Variants in TINAG observed in about 807,000 individuals in gnomAD.
The protein encoded by TINAG is tubulointerstitial nephritis antigen.
In TINAG, 83 loss-of-function variants were observed where a neutral mutation model predicts 72.7. That is an observed-to-expected ratio of 1.14 (90% CI 0.96 to 1.37). TINAG has a LOEUF of 1.37. Among genes scored for constraint, TINAG ranks in the 40% most tolerant of loss-of-function variants. The pLI is 0.00. For missense variants in TINAG, 685 were observed against 576.6 expected (o/e 1.19, Z -1.93); for synonymous variants, 234 against 189.9 (o/e 1.23, Z -1.91).
chr6:54,335,136 T>C (rs1465391271), intron 4 of TINAG, among the ~76,000 whole-genome samples: 1 of 152,206 alleles, frequency 6.6e-6, no homozygotes, highest in Non-Finnish European at 1.5e-5. Flanking sequence ...ATTTCTAACA[T>C]ATCCTTTATA....
At chr6:54,367,180 T>C (rs1158595729) in intron 9 of TINAG, 1 of 151,776 alleles carries the variant, frequency 6.6e-6, no homozygotes, top group African/African-American at 2.4e-5. Flanking sequence ...ATGATGTTCC[T>C]GATAAAGAGA....
rs773367907 is a variant in TINAG, at chr6:54,308,658, T to G, written c.108T>G (p.Thr36=). The change falls in exon 1 of 11, where the codon ACT becomes ACG. Residue 36 remains threonine, a synonymous_variant. Coordinates refer to ENST00000259782, the MANE Select transcript of TINAG (RefSeq NM_014464.4). ...AAGTGGACCTAGAGGCTTATTTCAC[T>G]AGGAATCACACCGTTTTGCAAGGTA... ...QREVDLEAYF[T]RNHTVLQGTR... is the part of the protein sequence containing the mutation. 6 of 1,613,730 alleles carry G rather than the reference T, an allele frequency of 3.7e-6. No individual in the cohort carries two copies. The highest frequency in any genetic ancestry group is 5.1e-6 in the Non-Finnish European group (6 of 1,179,868).
chr6:54,308,329 G>A, upstream of TINAG: 1 of 634,210 alleles, frequency 1.6e-6, no homozygotes, highest in Non-Finnish European at 2.7e-6. Context: ...TAACTTTGGG[G>A]GAATAACAAT....
intron 1 of TINAG, among the ~76,000 whole-genome samples, chr6:54,313,273 G>A (rs1784299477): frequency 6.6e-6 from 1 of 152,104 alleles, no homozygotes; most frequent in Non-Finnish European, 1.5e-5. Flanking sequence ...GGCATCATAA[G>A]GAGCCCTGTG....
intron 4 of TINAG, among the ~76,000 whole-genome samples, chr6:54,328,633 T>C (rs995705259): frequency 4.0e-5 from 6 of 151,886 alleles, no homozygotes; most frequent in African/African-American, 1.2e-4. Context: ...TGATGAATTG[T>C]CAGAAGTAGG....
At chr6:54,328,614 G>T (rs1339048091) in intron 4 of TINAG, among the ~76,000 whole-genome samples, 1 of 152,034 alleles carries the variant, frequency 6.6e-6, no homozygotes, top group Non-Finnish European at 1.5e-5. Context: ...ATTGGACAGA[G>T]AATGAGTTTG....
chr6:54,308,035 A>G (rs769811067), upstream of TINAG: 8 of 1,549,494 alleles, frequency 5.2e-6, no homozygotes, highest in Non-Finnish European at 7.0e-6. Flanking sequence ...AGCAACTGTT[A>G]TTGATATGAC....
rs60701944 is a variant in TINAG, at chr6:54,317,568, G to A, written c.356-3011G>A. Among the ~76,000 whole-genome samples, 1,502 of 152,240 alleles carry A rather than the reference G, an allele frequency of 9.9e-3. 41 individuals are homozygous for A. The highest frequency in any genetic ancestry group is 0.063 in the East Asian group (325 of 5,180). On this transcript the variant is annotated intron_variant, in intron 1 of 10. Coordinates refer to ENST00000259782, the MANE Select transcript of TINAG (RefSeq NM_014464.4). ...ATTGTGAGGCCTCCTCAGCCATGTG[G>A]AACTGTGAGTCTATTAAACCTCTTT...
chr6:54,309,404 A>G (rs1284929557), intron 1 of TINAG, among the ~76,000 whole-genome samples: 7 of 152,180 alleles, frequency 4.6e-5, no homozygotes, highest in Admixed American at 3.3e-4. Context: ...AAAATAAGAT[A>G]AAGTCAGTCA....
chr6:54,314,063 C>G (rs891575719), intron 1 of TINAG, among the ~76,000 whole-genome samples: 1 of 152,122 alleles, frequency 6.6e-6, no homozygotes, highest in African/African-American at 2.4e-5. Flanking sequence ...AATTAAGAAG[C>G]ATCGTGTGAC....
In TINAG at chr6:54,390,008, TG is replaced by T; in HGVS notation, c.*85del. 1 of 1,532,740 alleles carries T rather than the reference TG, an allele frequency of 6.5e-7. No homozygotes were observed. The highest frequency in any genetic ancestry group is 2.3e-5 in the East Asian group (1 of 43,806). The allele number at this position is 1,532,740 out of a possible 1,614,324, so 94.9% of individuals were successfully genotyped here. A position where few individuals can be genotyped will look rare whatever the true frequency, so the allele number is the denominator to read the frequency against. Reference sequence around the variant, plus strand: ...AGCAATATGACATTCTTGGTGACAGTGGAATCTTTGTCTCTTCACCGTGTTA... The same window carrying T: ...AGCAATATGACATTCTTGGTGACAGTGAATCTTTGTCTCTTCACCGTGTTA... On this transcript the variant is annotated 3_prime_UTR_variant, in exon 11 of 11. Coordinates refer to ENST00000259782, the MANE Select transcript of TINAG (RefSeq NM_014464.4).
intron 9 of TINAG, among the ~76,000 whole-genome samples, chr6:54,373,176 C>T (rs552033226): frequency 3.2e-4 from 48 of 151,068 alleles, no homozygotes; most frequent in Middle Eastern, 6.8e-3. Context: ...AATGACCCAA[C>T]TGTTTCCCCT....
At chr6:54,312,643 A>G (rs1450039195) in intron 1 of TINAG, among the ~76,000 whole-genome samples, 6 of 152,234 alleles carry the variant, frequency 3.9e-5, no homozygotes, top group African/African-American at 1.4e-4. Flanking sequence ...TTATTTGTAG[A>G]TAATGTGGCA....
At chr6:54,389,643 A>G (rs1454888234) in intron 10 of TINAG, 148 bp from the exon 11 acceptor site, 9 of 962,246 alleles carry the variant, frequency 9.4e-6, no homozygotes, top group Non-Finnish European at 1.3e-5. Flanking sequence ...ACATAATACA[A>G]CCATTATTTA....
intron 6 of TINAG, 48 bp downstream of exon 6, chr6:54,347,565 A>T (rs1785156258): frequency 6.3e-7 from 1 of 1,599,054 alleles, no homozygotes; most frequent in East Asian, 2.2e-5. Flanking sequence ...TGAATGATGC[A>T]TTGTGTTAGA....
At chr6:54,378,971 G>A (rs1763865570) in intron 9 of TINAG, among the ~76,000 whole-genome samples, 1 of 151,994 alleles carries the variant, frequency 6.6e-6, no homozygotes, top group Admixed American at 6.6e-5. Flanking sequence ...GTCATCTTTA[G>A]GCAATACCTC....
At position 54,351,908 on chromosome 6, in the gene TINAG, T is replaced by C. The variant is rs72959314; in HGVS notation, c.1126+511T>C. On this transcript the variant is annotated intron_variant, in intron 8 of 10. Coordinates refer to ENST00000259782, the MANE Select transcript of TINAG (RefSeq NM_014464.4). ...TTACATTTTACAAAAGGTTTTCAAT[T>C]TTGATCAATTTTGTAAATGTTTTAT... Among the ~76,000 whole-genome samples the C allele has an allele frequency of 5.8e-3, 880 of 152,020 alleles. 9 individuals are homozygous for C. Among genetic ancestry groups the C allele is most frequent in the Non-Finnish European group, 7.0e-3 (473 of 67,852 alleles).
At chr6:54,379,976 G>C (rs2150982091) in intron 9 of TINAG, among the ~76,000 whole-genome samples, 1 of 152,034 alleles carries the variant, frequency 6.6e-6, no homozygotes, top group African/African-American at 2.4e-5. Context: ...TCCCTTCCCT[G>C]TGCCCATGTG....
intron 9 of TINAG, among the ~76,000 whole-genome samples, chr6:54,379,690 A>C (rs901525762): frequency 1.1e-4 from 16 of 152,152 alleles, no homozygotes; most frequent in African/African-American, 3.6e-4. Context: ...GGGGCTAGAC[A>C]TAAAGAGGAT....
Sources: allele counts gnomAD v4.1 joint callset (sites outside exome capture counted in the v4.1 genomes callset), GRCh38; gene constraint gnomAD v4.1.1; transcripts MANE v1.5; gene names NCBI Gene and HGNC (gene_info 2026-07-23, HGNC 2026-07-21).